Variants in PHACTR3 observed in about 807,000 individuals in gnomAD.
PHACTR3 encodes phosphatase and actin regulator 3.
A neutral mutation model predicts 66.8 loss-of-function variants in PHACTR3; 16 were observed. That is an observed-to-expected ratio of 0.24 (90% CI 0.16 to 0.36). The LOEUF is 0.36. Among genes scored for constraint, PHACTR3 ranks in the 10% least tolerant of loss-of-function variants. The probability of loss-of-function intolerance (pLI) is 1.00; values close to 1 mark genes in which losing one functional copy is unlikely to be tolerated. For synonymous variants in PHACTR3, 323 were observed against 292.1 expected (o/e 1.11, Z -1.08); for missense variants, 647 against 719.9 (o/e 0.90, Z 1.16).
intron 1 of PHACTR3, among the ~76,000 whole-genome samples, chr20:59,661,873 C>A (rs554882512): frequency 6.6e-6 from 1 of 152,202 alleles, no homozygotes; most frequent in South Asian, 2.1e-4. Context: ...CTACTGGCTT[C>A]TCTTGTCCAC....
At chr20:59,674,717 C>G (rs111212415) in intron 1 of PHACTR3, among the ~76,000 whole-genome samples, 716 of 32,384 alleles carry the variant, frequency 0.022, 7 homozygotes, top group African/African-American at 0.043. Flanking sequence ...CCCCCCTTCT[C>G]CTGTTCCCCC....
intron 1 of PHACTR3, among the ~76,000 whole-genome samples, chr20:59,607,379 C>T (rs2033706316): frequency 6.6e-6 from 1 of 152,184 alleles, no homozygotes; most frequent in Non-Finnish European, 1.5e-5. Context: ...ATTTGTCCAC[C>T]TGCTGCTCTA....
intron 1 of PHACTR3, among the ~76,000 whole-genome samples, chr20:59,742,207 T>A (rs1909364013): frequency 6.6e-6 from 1 of 152,242 alleles, no homozygotes; most frequent in African/African-American, 2.4e-5. Context: ...TTATCTCAGA[T>A]CAGTTTCCTG....
intron 1 of PHACTR3, among the ~76,000 whole-genome samples, chr20:59,671,703 C>G (rs1415988823): frequency 6.6e-6 from 1 of 152,206 alleles, no homozygotes; most frequent in Non-Finnish European, 1.5e-5. Flanking sequence ...TTGGCTGTCT[C>G]CGGGGCCTGC....
chr20:59,627,644 T>C (rs2034504416), intron 1 of PHACTR3, among the ~76,000 whole-genome samples: 1 of 152,192 alleles, frequency 6.6e-6, no homozygotes, highest in African/African-American at 2.4e-5. Flanking sequence ...TAGAGATATC[T>C]GGGACTGGAC....
intron 1 of PHACTR3, among the ~76,000 whole-genome samples, chr20:59,652,549 C>T (rs554180857): frequency 1.5e-4 from 23 of 152,204 alleles, no homozygotes; most frequent in Middle Eastern, 3.4e-3. Context: ...CAGAGTGAGA[C>T]CTTATCTCTT....
At chr20:59,745,989 C>T (rs1322830285) in intron 2 of PHACTR3, among the ~76,000 whole-genome samples, 2 of 152,196 alleles carry the variant, frequency 1.3e-5, no homozygotes, top group African/African-American at 2.4e-5. Context: ...ACACAGAGCT[C>T]GAGGCCTCCA....
intron 1 of PHACTR3, among the ~76,000 whole-genome samples, chr20:59,697,403 T>C (rs2037338111): frequency 6.6e-6 from 1 of 152,226 alleles, no homozygotes; most frequent in South Asian, 2.1e-4. Flanking sequence ...TCATGGTGGC[T>C]CAGACTTACT....
At chr20:59,678,293 G>T (rs1043470855) in intron 1 of PHACTR3, among the ~76,000 whole-genome samples, 1 of 152,114 alleles carries the variant, frequency 6.6e-6, no homozygotes, top group Non-Finnish European at 1.5e-5. Flanking sequence ...TGCTTGTGGG[G>T]TGACTGTTCA....
intron 5 of PHACTR3, among the ~76,000 whole-genome samples, chr20:59,770,981 G>T (rs1178952342): frequency 6.6e-6 from 1 of 152,212 alleles, no homozygotes; most frequent in Non-Finnish European, 1.5e-5. Flanking sequence ...CCCTGAGGTG[G>T]CTTCTGAACC....
At chr20:59,608,801 C>A (rs937901895) in intron 1 of PHACTR3, among the ~76,000 whole-genome samples, 2 of 152,206 alleles carry the variant, frequency 1.3e-5, no homozygotes, top group Non-Finnish European at 2.9e-5. Context: ...TTCCCCACCC[C>A]AGGGAACTCT....
intron 1 of PHACTR3, among the ~76,000 whole-genome samples, chr20:59,687,774 C>T (rs2036955528): frequency 6.6e-6 from 1 of 152,178 alleles, no homozygotes; most frequent in African/African-American, 2.4e-5. Context: ...CCAAGAAACA[C>T]TTTCCAGATG....
Position 59,728,568 on chromosome 20 carries a change from G to GTTATTA in PHACTR3, c.119-14525_119-14520dup, listed in dbSNP as rs113368944. On this transcript the variant is annotated intron_variant, in intron 1 of 12. Coordinates refer to ENST00000371015, the MANE Select transcript of PHACTR3 (RefSeq NM_080672.5). ...TCCATACAATGGACTATTACCTTTTGTTATTATTATTATTATTATAGCTTT... is the reference window on the plus strand; with the variant it reads ...TCCATACAATGGACTATTACCTTTTGTTATTATTATTATTATTATTATTATAGCTTT... 4.5e-3 allele frequency among the ~76,000 whole-genome samples: 679 copies of GTTATTA among 151,708 alleles called. 5 individuals carry two copies. Among genetic ancestry groups the GTTATTA allele is most frequent in the Non-Finnish European group, 5.1e-3 (348 of 67,876 alleles).
intron 7 of PHACTR3, among the ~76,000 whole-genome samples, chr20:59,789,996 A>G (rs1280523201): frequency 6.6e-6 from 1 of 152,254 alleles, no homozygotes. Context: ...CTCTGTAATT[A>G]TGTCCTTAGG....
chr20:59,720,687 T>G lies in PHACTR3; in HGVS notation c.119-22420T>G, dbSNP rs148456341. Among the ~76,000 whole-genome samples the G allele has an allele frequency of 4.2e-3, 647 of 152,288 alleles. 4 individuals carry two copies. The highest frequency in any genetic ancestry group is 0.014 in the African/African-American group (596 of 41,552). On this transcript the variant is annotated intron_variant, in intron 1 of 12. Coordinates refer to ENST00000371015, the MANE Select transcript of PHACTR3 (RefSeq NM_080672.5). Reference sequence around the variant, plus strand: ...TCCAAATTGTGTTTGCCGTGCATTTTTTTTCCAGAATCCTCTTAAGAAGGA... The same window carrying G: ...TCCAAATTGTGTTTGCCGTGCATTTGTTTTCCAGAATCCTCTTAAGAAGGA...
intron 1 of PHACTR3, among the ~76,000 whole-genome samples, chr20:59,729,786 G>A (rs1212066430): frequency 1.3e-5 from 2 of 152,212 alleles, no homozygotes; most frequent in African/African-American, 4.8e-5. Context: ...CAGGCAAGGG[G>A]CCTGTGATGA....
At chr20:59,594,709 C>T (rs2033275059) in intron 1 of PHACTR3, among the ~76,000 whole-genome samples, 1 of 152,134 alleles carries the variant, frequency 6.6e-6, no homozygotes, top group Non-Finnish European at 1.5e-5. Context: ...ACAGACTTAA[C>T]AATTTTATTG....
chr20:59,813,569 A>G (rs967937269), intron 8 of PHACTR3, among the ~76,000 whole-genome samples: 15 of 152,170 alleles, frequency 9.9e-5, no homozygotes, highest in African/African-American at 2.9e-4. Context: ...CTCACAGGTG[A>G]TAAATTATTG....
intron 7 of PHACTR3, among the ~76,000 whole-genome samples, chr20:59,798,379 C>A (rs1313571817): frequency 1.3e-5 from 2 of 152,166 alleles, no homozygotes; most frequent in Non-Finnish European, 2.9e-5. Flanking sequence ...GGGACACAAA[C>A]ATTCAAACCA....
Sources: gnomAD v4.1 joint callset for allele counts (sites outside exome capture counted in the v4.1 genomes callset) on GRCh38, gnomAD v4.1.1 for gene constraint, MANE v1.5 for transcripts, NCBI Gene and HGNC (gene_info 2026-07-23, HGNC 2026-07-21) for gene names.